LTBP1: variants seen among roughly 807,000 people sequenced by gnomAD.
LTBP1 encodes latent-transforming growth factor beta-binding protein 1.
LTBP1 carries 129 observed loss-of-function variants against 207.6 expected under a neutral mutation model. The observed-to-expected ratio is 0.62, with a 90% CI of 0.54 to 0.72. The LOEUF (loss-of-function observed/expected upper bound fraction) is 0.72. Among genes scored for constraint, LTBP1 ranks in the 30% least tolerant of loss-of-function variants. LTBP1 has a pLI of 0.00. For missense variants in LTBP1, 2,281 were observed against 2,217.2 expected (o/e 1.03, Z -0.58); for synonymous variants, 963 against 833.7 (o/e 1.16, Z -2.67).
intron 15 of LTBP1, among the ~76,000 whole-genome samples, chr2:33,272,003 A>G (rs2093331889): frequency 6.6e-6 from 1 of 152,232 alleles, no homozygotes; most frequent in Non-Finnish European, 1.5e-5. Context: ...AGACTCACAA[A>G]AGGTATAAGT....
At chr2:33,115,303 C>T (rs990899135) in intron 4 of LTBP1, among the ~76,000 whole-genome samples, 1 of 152,022 alleles carries the variant, frequency 6.6e-6, no homozygotes, top group Admixed American at 6.6e-5. Flanking sequence ...GTAGGCAAAT[C>T]CACAGACACG....
chr2:33,086,462 A>G (rs1052765311), intron 3 of LTBP1, among the ~76,000 whole-genome samples: 2 of 152,242 alleles, frequency 1.3e-5, no homozygotes, highest in Admixed American at 1.3e-4. Context: ...CAGCAGGCCC[A>G]GGAGGGGAAA....
intron 23 of LTBP1, among the ~76,000 whole-genome samples, chr2:33,314,208 G>A (rs143852885): frequency 7.2e-5 from 11 of 152,084 alleles, no homozygotes; most frequent in East Asian, 1.9e-4. Context: ...GCCCTCATTC[G>A]CTGATTTCAT....
intron 25 of LTBP1, among the ~76,000 whole-genome samples, chr2:33,345,608 A>AT (rs2094691553): frequency 6.6e-6 from 1 of 152,210 alleles, no homozygotes; most frequent in Non-Finnish European, 1.5e-5. Flanking sequence ...ATGTTATGGT[A>AT]TTTTTCACAA....
intron 20 of LTBP1, 129 bp from the exon 21 acceptor site, chr2:33,300,322 A>G: frequency 1.3e-6 from 1 of 790,476 alleles, no homozygotes; most frequent in Non-Finnish European, 2.0e-6. Context: ...ATAAATACTA[A>G]AGTGTGTAGT....
intron 2 of LTBP1, among the ~76,000 whole-genome samples, chr2:32,983,069 C>T (rs1382808729): frequency 6.6e-6 from 1 of 152,212 alleles, no homozygotes. Context: ...TCAATGTCAG[C>T]TCATGAAAGC....
intron 26 of LTBP1, among the ~76,000 whole-genome samples, chr2:33,352,959 T>G (rs1358676658): frequency 6.7e-6 from 1 of 149,914 alleles, no homozygotes; most frequent in African/African-American, 2.5e-5. Context: ...CCCTCCCCCT[T>G]GTAAGCCTTT....
chr2:33,234,369 G>A (rs937877154), intron 9 of LTBP1, among the ~76,000 whole-genome samples: 2 of 152,020 alleles, frequency 1.3e-5, no homozygotes, highest in South Asian at 2.1e-4. Flanking sequence ...AAACTTAGAC[G>A]AGATCGGGCA....
intron 10 of LTBP1, among the ~76,000 whole-genome samples, chr2:33,251,581 C>T (rs570548889): frequency 7.0e-4 from 102 of 146,364 alleles, no homozygotes; most frequent in African/African-American, 2.3e-3. Flanking sequence ...AGGAGAATGG[C>T]GTGAACCCGG....
intron 2 of LTBP1, among the ~76,000 whole-genome samples, chr2:33,016,817 G>T (rs1323233299): frequency 6.6e-6 from 1 of 152,246 alleles, no homozygotes; most frequent in Non-Finnish European, 1.5e-5. Flanking sequence ...GAGGTCAGGA[G>T]TTCAAGGCCA....
Position 32,947,226 on chromosome 2 carries a change from A to C in LTBP1, c.-99A>C. ...CTCCCGCCTTTCCCGGGCTCTCGGC[A>C]GCTCTCGGGGGAGCCCGAACGCGCG... On this transcript the variant is annotated 5_prime_UTR_variant, in exon 1 of 34. Coordinates refer to ENST00000404816, the MANE Select transcript of LTBP1 (RefSeq NM_206943.4). 2.1e-6 allele frequency: 2 copies of C among 936,748 alleles called. No individual in the cohort carries two copies. The highest frequency in any genetic ancestry group is 2.8e-6 in the Non-Finnish European group (2 of 727,166). The allele number at this position is 936,748 out of a possible 1,614,324, so 58.0% of individuals were successfully genotyped here.
At chr2:33,077,282 C>A (rs1018971553) in intron 3 of LTBP1, among the ~76,000 whole-genome samples, 1 of 152,222 alleles carries the variant, frequency 6.6e-6, no homozygotes, top group Non-Finnish European at 1.5e-5. Context: ...GGATACAAAG[C>A]TTTCTCCATT....
chr2:33,182,174 A>G (rs1174526864), intron 5 of LTBP1, among the ~76,000 whole-genome samples: 1 of 152,126 alleles, frequency 6.6e-6, no homozygotes, highest in Non-Finnish European at 1.5e-5. Flanking sequence ...AGAGAGACAC[A>G]GGGTTGTTGG....
Position 33,398,518 on chromosome 2 carries a change from T to G in LTBP1, c.5139T>G (p.Asn1713Lys). The change falls in exon 34 of 34, where the codon AAT becomes AAG. Residue 1713 changes from asparagine (N) to lysine (K), a missense_variant. This residue lies in a region of LTBP1 where 1,671 missense variants were observed against 1,634.8 expected (regional missense o/e 1.02). Transcript: ENST00000404816. ...GCACTCCGTTGAATACCGCCTTGAA[T>G]TTAGAGAAAGACAGTGACCTGGAGT... ...NYCTPLNTAL[N>K]LEKDSDLE 4.3e-6 allele frequency: 7 copies of G among 1,614,118 alleles called. No homozygotes were observed. Among genetic ancestry groups the G allele is most frequent in the Non-Finnish European group, 5.9e-6 (7 of 1,179,996 alleles).
intron 2 of LTBP1, among the ~76,000 whole-genome samples, chr2:32,968,765 C>T (rs1043504385): frequency 6.6e-6 from 1 of 150,522 alleles, no homozygotes; most frequent in Admixed American, 6.6e-5. Context: ...GCTCTGTTGC[C>T]CAGGCTGGTG....
intron 9 of LTBP1, among the ~76,000 whole-genome samples, chr2:33,226,097 A>T (rs1374103093): frequency 6.6e-6 from 1 of 152,250 alleles, no homozygotes; most frequent in East Asian, 1.9e-4. Flanking sequence ...TTATTTAGAA[A>T]TATATTGCTT....
intron 2 of LTBP1, among the ~76,000 whole-genome samples, chr2:32,988,579 A>G (rs908833397): frequency 1.3e-5 from 2 of 152,264 alleles, no homozygotes; most frequent in African/African-American, 4.8e-5. Flanking sequence ...TTTAAGTTTT[A>G]GAAGAACAAT....
chr2:33,395,546 T>A (rs990871578), intron 32 of LTBP1, among the ~76,000 whole-genome samples: 1 of 152,198 alleles, frequency 6.6e-6, no homozygotes, highest in Admixed American at 6.5e-5. Context: ...GGGCATGCTC[T>A]AAAGTTTCTT....
chr2:33,363,743 C>T (rs2094952661), intron 29 of LTBP1, among the ~76,000 whole-genome samples: 1 of 152,180 alleles, frequency 6.6e-6, no homozygotes. Context: ...TTAATATTCA[C>T]TGTGGAATTA....
Sources: gnomAD v4.1 joint callset for allele counts (sites outside exome capture counted in the v4.1 genomes callset) on GRCh38, gnomAD v4.1.1 for gene constraint, gnomAD v4.1.1 regional missense constraint, MANE v1.5 for transcripts, NCBI Gene and HGNC (gene_info 2026-07-23, HGNC 2026-07-21) for gene names.